The following FXR1 variants were observed in gnomAD, a reference collection of about 807,000 sequenced individuals.
FXR1 encodes the protein FMR1 autosomal homolog 1, also known as RNA-binding protein FXR1.
Under a neutral mutation model 84.0 loss-of-function variants are expected in FXR1, and 15 were observed. The observed-to-expected ratio is 0.18, with a 90% confidence interval of 0.12 to 0.27. The LOEUF is 0.27. Among genes scored for constraint, FXR1 ranks in the 10% least tolerant of loss-of-function variants. The pLI, the probability that FXR1 is intolerant of heterozygous loss-of-function variation, is 1.00. For synonymous variants in FXR1, 245 were observed against 250.7 expected (o/e 0.98, Z 0.21); for missense variants, 480 against 774.4 (o/e 0.62, Z 4.51).
intron 3 of FXR1, among the ~76,000 whole-genome samples, chr3:180,938,494 T>TG: frequency 6.6e-6 from 1 of 152,332 alleles, no homozygotes; most frequent in East Asian, 1.9e-4. Flanking sequence ...ATTTTTTGTT[T>TG]GTGCAGTTTT....
intron 1 of FXR1, among the ~76,000 whole-genome samples, chr3:180,920,934 G>A (rs1216927597): frequency 2.6e-5 from 4 of 152,200 alleles, no homozygotes; most frequent in Admixed American, 2.6e-4. Context: ...GTAAACAGTA[G>A]TAGTAGACAC....
In FXR1 at chr3:180,975,327, T is replaced by A; in HGVS notation, c.1618T>A (p.Tyr540Asn). The A allele has an allele frequency of 2.7e-6, 4 of 1,470,902 alleles. No homozygotes were observed. Among genetic ancestry groups the A allele is most frequent in the Non-Finnish European group, 3.7e-6 (4 of 1,073,356 alleles). 91.1% of individuals were successfully genotyped at this position (1,470,902 alleles called of 1,614,324 possible). Residue 540 changes from tyrosine to asparagine, a missense_variant, in exon 16 of 17, where the codon TAT (tyrosine) becomes AAT (asparagine). By Grantham distance (143) the Tyr-to-Asn change is moderately radical. Transcript: ENST00000357559. ...ATCTTTAACAGTCACAGTTGCAGAT[T>A]ATATTTCTAGAGCTGAGTCTCAGAG... ...NENGLVTVAD[Y>N]ISRAESQSRQ... is the part of the protein sequence containing the mutation.
Position 180,948,379 on chromosome 3 carries a change from T to C in FXR1, c.303T>C (p.Ala101=). 2 of 1,606,616 alleles carry C rather than the reference T, an allele frequency of 1.2e-6. No homozygotes were observed. The highest frequency in any genetic ancestry group is 8.5e-7 in the Non-Finnish European group (1 of 1,173,534). The change falls in exon 5 of 17, where the codon GCT becomes GCC. Residue 101 remains alanine, a synonymous_variant. Transcript: ENST00000357559. ...TCATTGAATATGCTGCTTGTGACGC[T>C]ACTTACAATGAAATAGTCACATTTG... is the stretch of plus-strand genomic sequence containing the variant. ...FYVIEYAACD[A]TYNEIVTFER... is the part of the protein sequence containing the mutation.
Position 180,981,005 on chromosome 3 carries a change from A to C in FXR1, c.*4713A>C, listed in dbSNP as rs997441174. The C allele has an allele frequency of 6.6e-6, 1 of 151,746 alleles. No homozygotes were observed. Among genetic ancestry groups the C allele is most frequent in the African/African-American group, 2.4e-5 (1 of 41,354 alleles). 9.4% of individuals were successfully genotyped at this position (151,746 alleles called of 1,614,324 possible). ...CTTAGTCTGTTCTTTGACATTGTTGATTCATGTTCTAAATTTTCATCAGAT... is the reference window on the plus strand; with the variant it reads ...CTTAGTCTGTTCTTTGACATTGTTGCTTCATGTTCTAAATTTTCATCAGAT... On this transcript the variant is annotated 3_prime_UTR_variant, in exon 17 of 17. Transcript: ENST00000357559.
At chr3:180,970,420 A>AT (rs1553779027) in intron 15 of FXR1, 62 bp downstream of exon 15, 181 of 253,566 alleles carry the variant, frequency 7.1e-4, no homozygotes, top group Middle Eastern at 2.7e-3. Context: ...ATATATATAT[A>AT]TAATTGTAAA....
intron 1 of FXR1, among the ~76,000 whole-genome samples, chr3:180,925,341 CAG>C (rs1171986835): frequency 6.7e-6 from 1 of 148,786 alleles, no homozygotes; most frequent in African/African-American, 2.5e-5. Context: ...GCCTGGGCAA[CAG>C]AGCGAGACTC....
At chr3:180,958,098 T>C (rs1711562763) in intron 10 of FXR1, among the ~76,000 whole-genome samples, 170 bp downstream of exon 10, 1 of 152,220 alleles carries the variant, frequency 6.6e-6, no homozygotes, top group South Asian at 2.1e-4. Context: ...TTTTCTACTA[T>C]GTGGGCCTTG....
intron 4 of FXR1, 36 bp from the exon 5 acceptor site, chr3:180,948,311 C>G: frequency 6.8e-7 from 1 of 1,468,156 alleles, no homozygotes; most frequent in Non-Finnish European, 9.4e-7. Flanking sequence ...TATTTTTGTT[C>G]AGATGGGATT....
intron 2 of FXR1, among the ~76,000 whole-genome samples, chr3:180,934,860 T>C (rs1012711105): frequency 2.6e-5 from 4 of 152,318 alleles, no homozygotes; most frequent in Middle Eastern, 6.8e-3. Context: ...ATTGCTCTTA[T>C]GATGAGTAAT....
intron 7 of FXR1, among the ~76,000 whole-genome samples, chr3:180,949,707 A>G (rs989405600): frequency 1.3e-5 from 2 of 152,118 alleles, no homozygotes; most frequent in Non-Finnish European, 2.9e-5. Context: ...ATATTTTTCA[A>G]GTTCCTTGCT....
chr3:180,949,453 C>T (rs755600226), intron 7 of FXR1, 110 bp downstream of exon 7: 3 of 714,664 alleles, frequency 4.2e-6, no homozygotes, highest in Non-Finnish European at 7.7e-6. Context: ...GTGGCACAAT[C>T]TTGGCTTACT....
chr3:180,959,976 T>C (rs1019123336), intron 10 of FXR1, among the ~76,000 whole-genome samples: 1 of 152,188 alleles, frequency 6.6e-6, no homozygotes, highest in African/African-American at 2.4e-5. Flanking sequence ...CCCTAAACCA[T>C]TCTGTTTAAC....
chr3:180,928,506 G>C (rs1251992582), intron 1 of FXR1, among the ~76,000 whole-genome samples: 1 of 151,284 alleles, frequency 6.6e-6, no homozygotes, highest in Non-Finnish European at 1.5e-5. Context: ...TTAATTTTAG[G>C]GGCATATTGA....
chr3:180,966,538 C>G (rs1026815543), intron 13 of FXR1, among the ~76,000 whole-genome samples: 5 of 152,166 alleles, frequency 3.3e-5, no homozygotes, highest in East Asian at 1.9e-4. Flanking sequence ...TGAAATCACT[C>G]TTATCTGAGA....
chr3:180,970,980 TA>T (rs1189956033), intron 15 of FXR1: 1 of 254,738 alleles, frequency 3.9e-6, no homozygotes, highest in Non-Finnish European at 7.3e-6. Context: ...ATTAAAAGTT[TA>T]TTTTTCCCCT....
chr3:180,926,320 T>A (rs964792877), intron 1 of FXR1, among the ~76,000 whole-genome samples: 1 of 151,952 alleles, frequency 6.6e-6, no homozygotes, highest in Non-Finnish European at 1.5e-5. Context: ...TTCCTTTTGC[T>A]TCCTTAAGAG....
At chr3:180,932,080 A>AAAAAAAAAAC (rs1560169975) in intron 1 of FXR1, among the ~76,000 whole-genome samples, 1 of 147,526 alleles carries the variant, frequency 6.8e-6, no homozygotes, top group East Asian at 1.9e-4. Context: ...AGTTTCAAAA[A>AAAAAAAAAAC]AAAAAAAAAA....
chr3:180,927,344 C>T (rs1719349613), intron 1 of FXR1, among the ~76,000 whole-genome samples: 1 of 151,916 alleles, frequency 6.6e-6, no homozygotes, highest in Non-Finnish European at 1.5e-5. Context: ...AAAATGAGTG[C>T]TCTTATAAAA....
At chr3:180,944,881 C>T (rs552511148) in intron 3 of FXR1, among the ~76,000 whole-genome samples, 4 of 152,338 alleles carry the variant, frequency 2.6e-5, no homozygotes, top group Non-Finnish European at 2.9e-5. Flanking sequence ...CCTCAGCCTC[C>T]CAGAGTACTC....
Sources: allele counts gnomAD v4.1 joint callset (sites outside exome capture counted in the v4.1 genomes callset), GRCh38; gene constraint gnomAD v4.1.1; transcripts MANE v1.5; gene names NCBI Gene and HGNC (gene_info 2026-07-23, HGNC 2026-07-21).